The following FCHSD2 variants were observed in gnomAD, a reference collection of about 807,000 sequenced individuals.
FCHSD2 encodes F-BAR and double SH3 domains protein 2.
In FCHSD2, 38 loss-of-function variants were observed where a neutral mutation model predicts 108.1. That is an observed-to-expected ratio of 0.35 (90% CI 0.27 to 0.46). FCHSD2 has a LOEUF of 0.46. Ranked by LOEUF, FCHSD2 falls within the 20% of genes least tolerant of loss-of-function variation. The pLI is 1.00. For missense variants in FCHSD2, 751 were observed against 897.8 expected (o/e 0.84, Z 2.09); for synonymous variants, 279 against 314.7 (o/e 0.89, Z 1.20).
intron 11 of FCHSD2, among the ~76,000 whole-genome samples, chr11:72,888,734 C>A (rs1381390430): frequency 2.6e-5 from 4 of 151,710 alleles, no homozygotes; most frequent in Non-Finnish European, 4.4e-5. Flanking sequence ...TTCTCCCCAA[C>A]CTTAGCCTCC....
intron 2 of FCHSD2, among the ~76,000 whole-genome samples, chr11:73,096,987 A>ATTTTTTTTTGTTTTT (rs1860097472): frequency 3.7e-5 from 1 of 27,020 alleles, no homozygotes; most frequent in African/African-American, 2.0e-4. Flanking sequence ...TCATTGATGG[A>ATTTTTTTTTGTTTTT]TTTTTTTTTT....
At chr11:72,988,830 A>G (rs1420949813) in intron 6 of FCHSD2, 134 bp downstream of exon 6, 3 of 606,288 alleles carry the variant, frequency 4.9e-6, no homozygotes, top group East Asian at 5.8e-5. Context: ...CCTAAAGTAT[A>G]TAACACATGT....
At chr11:73,139,826 A>G (rs961932887) in intron 2 of FCHSD2, among the ~76,000 whole-genome samples, 1 of 152,198 alleles carries the variant, frequency 6.6e-6, no homozygotes, top group African/African-American at 2.4e-5. Flanking sequence ...TCTGAATACT[A>G]TGTGTGCATT....
intron 12 of FCHSD2, among the ~76,000 whole-genome samples, chr11:72,871,994 A>T (rs1451019503): frequency 6.6e-6 from 1 of 151,756 alleles, no homozygotes; most frequent in African/African-American, 2.4e-5. Flanking sequence ...TGCTGAATTA[A>T]TTTTTTTTAT....
intron 8 of FCHSD2, among the ~76,000 whole-genome samples, chr11:72,982,225 CTT>C (rs1857228096): frequency 6.6e-6 from 1 of 152,214 alleles, no homozygotes; most frequent in Non-Finnish European, 1.5e-5. Context: ...CTTCAACACT[CTT>C]GTTTTTGCCT....
At chr11:72,959,320 C>G (rs1330826940) in intron 8 of FCHSD2, among the ~76,000 whole-genome samples, 1 of 149,398 alleles carries the variant, frequency 6.7e-6, no homozygotes, top group Non-Finnish European at 1.5e-5. Context: ...AGCTCCACCC[C>G]CCAGGTTCAC....
chr11:73,002,635 G>A (rs1857649247), intron 4 of FCHSD2, among the ~76,000 whole-genome samples: 1 of 151,792 alleles, frequency 6.6e-6, no homozygotes, highest in Non-Finnish European at 1.5e-5. Context: ...ATTGTGATAG[G>A]AAGAAAGAGA....
chr11:73,051,459 T>C (rs1858896514), intron 3 of FCHSD2, among the ~76,000 whole-genome samples: 1 of 152,214 alleles, frequency 6.6e-6, no homozygotes, highest in African/African-American at 2.4e-5. Flanking sequence ...TAGGTATTTT[T>C]ACACCTAATT....
intron 2 of FCHSD2, among the ~76,000 whole-genome samples, chr11:73,101,423 T>G (rs1024990542): frequency 1.3e-5 from 2 of 152,052 alleles, no homozygotes; most frequent in Non-Finnish European, 2.9e-5. Flanking sequence ...GGCTGTACTC[T>G]TGTTGTTATT....
chr11:72,958,214 G>C (rs576598640), intron 8 of FCHSD2, among the ~76,000 whole-genome samples: 76 of 152,228 alleles, frequency 5.0e-4, no homozygotes, highest in Middle Eastern at 3.4e-3. Flanking sequence ...CTAAGGACTA[G>C]AGTGCAAAAG....
chr11:72,984,448 C>T (rs921048334), intron 7 of FCHSD2, among the ~76,000 whole-genome samples: 2 of 152,192 alleles, frequency 1.3e-5, no homozygotes, highest in African/African-American at 4.8e-5. Context: ...TAACATACTT[C>T]TAAAGCTTTG....
chr11:73,128,004 A>AC (rs1199341461), intron 2 of FCHSD2, among the ~76,000 whole-genome samples: 3 of 137,094 alleles, frequency 2.2e-5, no homozygotes, highest in Non-Finnish European at 4.7e-5. Context: ...ACAGAATAAG[A>AC]CCATCTCAAA....
intron 3 of FCHSD2, among the ~76,000 whole-genome samples, chr11:73,033,084 C>G (rs1174652377): frequency 1.3e-5 from 2 of 151,920 alleles, no homozygotes; most frequent in Admixed American, 6.6e-5. Context: ...GTCAGGAGAT[C>G]GAGACCATCC....
chr11:73,124,584 C>T (rs577786257), intron 2 of FCHSD2, among the ~76,000 whole-genome samples: 11 of 152,016 alleles, frequency 7.2e-5, no homozygotes, highest in South Asian at 2.1e-4. Flanking sequence ...GGTGAAACCC[C>T]GCCTCTACTG....
intron 3 of FCHSD2, among the ~76,000 whole-genome samples, chr11:73,075,214 A>G (rs1266984309): frequency 6.6e-6 from 1 of 152,212 alleles, no homozygotes; most frequent in Non-Finnish European, 1.5e-5. Context: ...AGGATTGTAA[A>G]TTGCAATAAT....
In FCHSD2 at chr11:72,954,196, A is replaced by AATTTTTTTTTTTTT. The variant is rs1565339614; in HGVS notation, c.705+29891_705+29892insAAAAAAAAAAAAAT. 5.4e-5 allele frequency among the ~76,000 whole-genome samples: 6 copies of AATTTTTTTTTTTTT among 111,702 alleles called. 3 individuals are homozygous for AATTTTTTTTTTTTT. Among genetic ancestry groups the AATTTTTTTTTTTTT allele is most frequent in the Non-Finnish European group, 7.2e-5 (4 of 55,680 alleles). 73.3% of individuals were successfully genotyped at this position (111,702 alleles called of 152,430 possible). The stretch of plus-strand genomic sequence containing the variant: ...TAGAATATTAGCAGTAGATGTGGGG[A>AATTTTTTTTTTTTT]TTTTTTTTTTTTTTTTTTTTTTTTT... On this transcript the variant is annotated intron_variant, in intron 8 of 19. Coordinates refer to ENST00000409418, the MANE Select transcript of FCHSD2 (RefSeq NM_014824.3).
At chr11:72,913,824 C>CA (rs1555053450) in intron 9 of FCHSD2, among the ~76,000 whole-genome samples, 15 of 47,610 alleles carry the variant, frequency 3.2e-4, no homozygotes, top group African/African-American at 5.8e-4. Context: ...AAAAAAAACC[C>CA]AAAAAAAAAA....
At chr11:73,095,901 G>A (rs1860061403) in intron 2 of FCHSD2, among the ~76,000 whole-genome samples, 1 of 151,554 alleles carries the variant, frequency 6.6e-6, no homozygotes, top group African/African-American at 2.4e-5. Context: ...TCACTGACTG[G>A]CTGAGGATTA....
chr11:73,080,119 TAAG>T (rs893749854), intron 3 of FCHSD2, among the ~76,000 whole-genome samples: 1 of 151,502 alleles, frequency 6.6e-6, no homozygotes, highest in African/African-American at 2.4e-5. Flanking sequence ...GGCAACATAG[TAAG>T]ACCCTGTCCC....
Sources: gnomAD v4.1 joint callset for allele counts (sites outside exome capture counted in the v4.1 genomes callset) on GRCh38, gnomAD v4.1.1 for gene constraint, MANE v1.5 for transcripts, NCBI Gene and HGNC (gene_info 2026-07-23, HGNC 2026-07-21) for gene names.